CEP112: variants seen among roughly 807,000 people sequenced by gnomAD.
CEP112 encodes centrosomal protein 112.
Under a neutral mutation model 153.0 loss-of-function variants are expected in CEP112, and 127 were observed. The ratio of observed to expected loss-of-function variants is 0.83; its 90% CI spans 0.72 to 0.96. CEP112 has a LOEUF of 0.96. Ranked by LOEUF, CEP112 falls within the 40% of genes least tolerant of loss-of-function variation. The pLI, the probability that CEP112 is intolerant of heterozygous loss-of-function variation, is 0.00. For missense variants in CEP112, 1,089 were observed against 1,101.2 expected (o/e 0.99, Z 0.16); for synonymous variants, 358 against 374.4 (o/e 0.96, Z 0.51).
At chr17:65,939,715 T>A (rs1253969373) in intron 18 of CEP112, among the ~76,000 whole-genome samples, 1 of 152,164 alleles carries the variant, frequency 6.6e-6, no homozygotes, top group African/African-American at 2.4e-5. Flanking sequence ...TGGGTTTTTA[T>A]CATACACCAT....
chr17:66,104,479 G>A (rs2068694664), intron 6 of CEP112, among the ~76,000 whole-genome samples: 2 of 152,276 alleles, frequency 1.3e-5, no homozygotes, highest in South Asian at 4.2e-4. Flanking sequence ...GTGACAGCTA[G>A]GCAGTACTTG....
chr17:65,746,967 T>A (rs957238681), intron 22 of CEP112, among the ~76,000 whole-genome samples: 5 of 152,256 alleles, frequency 3.3e-5, no homozygotes, highest in Non-Finnish European at 7.4e-5. Context: ...GAGAGCTATT[T>A]TGAGCTGATG....
At chr17:66,122,008 C>G (rs1172292460) in intron 6 of CEP112, among the ~76,000 whole-genome samples, 1 of 152,118 alleles carries the variant, frequency 6.6e-6, no homozygotes, top group East Asian at 1.9e-4. Context: ...GATCCTCCTG[C>G]CGCAGCTTCC....
chr17:65,817,867 T>C (rs2056351913), intron 21 of CEP112, among the ~76,000 whole-genome samples: 1 of 151,938 alleles, frequency 6.6e-6, no homozygotes, highest in Non-Finnish European at 1.5e-5. Context: ...CGTAATTTGC[T>C]TACCCCAGGT....
At chr17:65,671,604 ATG>A (rs1048604666) in intron 24 of CEP112, among the ~76,000 whole-genome samples, 3 of 152,132 alleles carry the variant, frequency 2.0e-5, no homozygotes, top group African/African-American at 7.2e-5. Flanking sequence ...CAACATATAT[ATG>A]TGTGTGTATG....
At chr17:66,128,962 C>A (rs2069994780) in intron 6 of CEP112, among the ~76,000 whole-genome samples, 1 of 151,916 alleles carries the variant, frequency 6.6e-6, no homozygotes, top group Admixed American at 6.6e-5. Context: ...GATTTTTATT[C>A]CTCTGATTTT....
At chr17:65,883,976 G>T (rs927941108) in intron 20 of CEP112, among the ~76,000 whole-genome samples, 3 of 152,164 alleles carry the variant, frequency 2.0e-5, no homozygotes, top group African/African-American at 7.2e-5. Flanking sequence ...CGGTACATAG[G>T]GAGGTTGGGA....
At chr17:66,100,062 G>C (rs1598349784) in intron 6 of CEP112, among the ~76,000 whole-genome samples, 1 of 151,558 alleles carries the variant, frequency 6.6e-6, no homozygotes, top group Middle Eastern at 3.4e-3. Flanking sequence ...ACTAGATTCA[G>C]GAAAAAAAAA....
chr17:65,943,052 G>A (rs1173440007), intron 18 of CEP112, among the ~76,000 whole-genome samples: 1 of 152,134 alleles, frequency 6.6e-6, no homozygotes, highest in East Asian at 1.9e-4. Flanking sequence ...GGCTTAAGGT[G>A]TAAGAAATAA....
At chr17:66,136,390 G>C (rs74354886) in intron 4 of CEP112, among the ~76,000 whole-genome samples, 1 of 151,960 alleles carries the variant, frequency 6.6e-6, no homozygotes, top group African/African-American at 2.4e-5. Flanking sequence ...GTACTCACAG[G>C]ACTGGTATTC....
At chr17:65,763,884 TTA>T (rs2052765744) in intron 21 of CEP112, among the ~76,000 whole-genome samples, 1 of 152,050 alleles carries the variant, frequency 6.6e-6, no homozygotes, top group Non-Finnish European at 1.5e-5. Flanking sequence ...TTTTTTTTCC[TTA>T]TAGCTGGACA....
chr17:65,854,283 C>T (rs1164171523), intron 20 of CEP112, among the ~76,000 whole-genome samples: 1 of 152,138 alleles, frequency 6.6e-6, no homozygotes, highest in African/African-American at 2.4e-5. Context: ...AAAATATCTA[C>T]AAGAATTATT....
At chr17:66,043,190 T>A in intron 12 of CEP112, 1 of 368,796 alleles carries the variant, frequency 2.7e-6, no homozygotes, top group Non-Finnish European at 3.8e-6. Context: ...CCACCCTAAC[T>A]GAAAGTTAAC....
At chr17:65,636,856 C>T in intron 26 of CEP112, 1 of 377,584 alleles carries the variant, frequency 2.6e-6, no homozygotes, top group Non-Finnish European at 4.7e-6. Context: ...AGGTGATCCT[C>T]CTGCCTTGGC....
At chr17:65,813,589 T>C (rs1401700269) in intron 21 of CEP112, among the ~76,000 whole-genome samples, 1 of 152,216 alleles carries the variant, frequency 6.6e-6, no homozygotes, top group Non-Finnish European at 1.5e-5. Flanking sequence ...CTGCAACTTG[T>C]AGCTGTGTAA....
At chr17:65,911,747 A>G (rs2060292120) in intron 19 of CEP112, among the ~76,000 whole-genome samples, 1 of 152,198 alleles carries the variant, frequency 6.6e-6, no homozygotes, top group Non-Finnish European at 1.5e-5. Flanking sequence ...ATAATTTAAT[A>G]TTTTAATTAA....
At chr17:65,844,541 T>G (rs1490604984) in intron 21 of CEP112, among the ~76,000 whole-genome samples, 1 of 151,238 alleles carries the variant, frequency 6.6e-6, no homozygotes, top group Non-Finnish European at 1.5e-5. Context: ...AAAAATTAGC[T>G]GGATGTGGTG....
intron 23 of CEP112, among the ~76,000 whole-genome samples, chr17:65,707,337 A>C (rs1450375877): frequency 6.6e-6 from 1 of 152,132 alleles, no homozygotes; most frequent in Non-Finnish European, 1.5e-5. Flanking sequence ...CATCTCTAGT[A>C]CTACCTCCTT....
intron 10 of CEP112, among the ~76,000 whole-genome samples, chr17:66,066,120 C>A (rs2067108382): frequency 6.6e-6 from 1 of 152,142 alleles, no homozygotes; most frequent in South Asian, 2.1e-4. Context: ...AACACTCTCT[C>A]TCATGACCAC....
Sources: gnomAD v4.1 joint callset for allele counts (sites outside exome capture counted in the v4.1 genomes callset) on GRCh38, gnomAD v4.1.1 for gene constraint, MANE v1.5 for transcripts, NCBI Gene and HGNC (gene_info 2026-07-23, HGNC 2026-07-21) for gene names.